The following SNX32 variants were observed in gnomAD, a reference collection of about 807,000 sequenced individuals.
SNX32 encodes sorting nexin-32.
SNX32 carries 58 observed loss-of-function variants against 57.0 expected under a neutral mutation model. The ratio of observed to expected loss-of-function variants is 1.02; its 90% CI spans 0.82 to 1.27. The LOEUF (loss-of-function observed/expected upper bound fraction) is 1.27, where lower values mean the gene tolerates loss of function less well. Ranked by LOEUF, SNX32 falls within the 50% of genes most tolerant of loss-of-function variation. SNX32 has a pLI of 0.00. For synonymous variants in SNX32, 262 were observed against 220.4 expected, an observed-to-expected ratio of 1.19 and a Z score of -1.67; for missense variants, 589 against 541.2, an observed-to-expected ratio of 1.09 and a Z score of -0.88.
In SNX32 at chr11:65,853,345, A is replaced by C. The variant is rs763605890; in HGVS notation, c.*10A>C. 4 of 1,613,896 alleles carry C rather than the reference A, an allele frequency of 2.5e-6. No individual in the cohort carries two copies. The highest frequency in any genetic ancestry group is 3.4e-6 in the Non-Finnish European group (4 of 1,179,912). On this transcript the variant is annotated 3_prime_UTR_variant, in exon 13 of 13. Transcript: ENST00000308342. ...AAAGGGGGAGCCTTAGAGTAGCCAGAGCTCAGCCAGACCCTAATCTGGGAT... is the reference window on the plus strand; with the variant it reads ...AAAGGGGGAGCCTTAGAGTAGCCAGCGCTCAGCCAGACCCTAATCTGGGAT...
intron 1 of SNX32, among the ~76,000 whole-genome samples, chr11:65,839,891 G>A (rs995856092): frequency 6.6e-6 from 1 of 152,038 alleles, no homozygotes; most frequent in Non-Finnish European, 1.5e-5. Context: ...GGGCGCGGTG[G>A]CTCACGCCTG....
chr11:65,848,379 C>T (rs1859059308), intron 1 of SNX32, among the ~76,000 whole-genome samples: 1 of 150,810 alleles, frequency 6.6e-6, no homozygotes, highest in African/African-American at 2.4e-5. Flanking sequence ...TTGAGACCAG[C>T]CTGGGCAACA....
At chr11:65,846,231 A>C (rs1858989579) in intron 1 of SNX32, among the ~76,000 whole-genome samples, 1 of 152,084 alleles carries the variant, frequency 6.6e-6, no homozygotes, top group African/African-American at 2.4e-5. Context: ...AGATCATGTC[A>C]CTGCACTCCA....
chr11:65,839,247 T>TTTTTTTTTTTTTTTTTG (rs71036248), intron 1 of SNX32, among the ~76,000 whole-genome samples: 1 of 88,072 alleles, frequency 1.1e-5, no homozygotes, highest in East Asian at 3.6e-4. Context: ...TTTTTTTTTT[T>TTTTTTTTTTTTTTTTTG]GAGACGGAGT....
chr11:65,850,097 G>C, intron 3 of SNX32, 53 bp from the exon 4 acceptor site: 2 of 1,614,236 alleles, frequency 1.2e-6, no homozygotes, highest in Non-Finnish European at 1.7e-6. Flanking sequence ...CAAAGGCTGT[G>C]ATGGCCGTCT....
intron 1 of SNX32, among the ~76,000 whole-genome samples, chr11:65,838,166 G>A (rs1428390974): frequency 6.7e-6 from 1 of 149,502 alleles, no homozygotes; most frequent in Non-Finnish European, 1.5e-5. Context: ...AAAAAAGAAA[G>A]AAAGAAGGAA....
intron 1 of SNX32, among the ~76,000 whole-genome samples, chr11:65,839,779 G>C (rs2134689736): frequency 6.6e-6 from 1 of 150,476 alleles, no homozygotes; most frequent in Non-Finnish European, 1.5e-5. Flanking sequence ...ATATATAAAA[G>C]GATAATACTT....
intron 1 of SNX32, among the ~76,000 whole-genome samples, chr11:65,840,281 C>T (rs1858806164): frequency 6.6e-6 from 1 of 152,072 alleles, no homozygotes; most frequent in South Asian, 2.1e-4. Flanking sequence ...CTCCATTAAG[C>T]TTCATTAAGA....
At chr11:65,834,720 G>A (rs1565243374) in intron 1 of SNX32, among the ~76,000 whole-genome samples, 1 of 150,306 alleles carries the variant, frequency 6.7e-6, no homozygotes, top group Non-Finnish European at 1.5e-5. Context: ...GTGTCTCTTT[G>A]TGTCTGAGTG....
At chr11:65,841,652 T>G (rs1416012410) in intron 1 of SNX32, among the ~76,000 whole-genome samples, 1 of 151,988 alleles carries the variant, frequency 6.6e-6, no homozygotes, top group Non-Finnish European at 1.5e-5. Context: ...GAGAATCGCT[T>G]GAACCCAGGA....
chr11:65,850,627 G>A (rs1301490741), intron 5 of SNX32, 73 bp downstream of exon 5: 2 of 1,559,376 alleles, frequency 1.3e-6, no homozygotes, highest in African/African-American at 1.4e-5. Context: ...ACCCAGGGGT[G>A]GCAGGGCTGG....
intron 1 of SNX32, among the ~76,000 whole-genome samples, chr11:65,839,225 A>ATTTTTTTTTT (rs1168882508): frequency 0.017 from 464 of 27,602 alleles, 100 homozygotes; most frequent in Non-Finnish European, 0.021. Flanking sequence ...ATTTTTTTGT[A>ATTTTTTTTTT]TTTTTTTTTT....
chr11:65,843,306 T>C (rs1858901768), intron 1 of SNX32, among the ~76,000 whole-genome samples: 1 of 150,254 alleles, frequency 6.7e-6, no homozygotes, highest in African/African-American at 2.5e-5. Context: ...GGGTGGCTCA[T>C]GCCTGTAATC....
chr11:65,852,831 C>T, intron 11 of SNX32, 42 bp downstream of exon 11: 3 of 1,613,372 alleles, frequency 1.9e-6, no homozygotes, highest in Non-Finnish European at 2.5e-6. Flanking sequence ...GCCACATGCC[C>T]TGCCCTGCCC....
chr11:65,842,480 GTC>G (rs1468130238), intron 1 of SNX32, among the ~76,000 whole-genome samples: 1 of 152,030 alleles, frequency 6.6e-6, no homozygotes, highest in African/African-American at 2.4e-5. Context: ...GTGAAACACT[GTC>G]TCTACTAAAA....
At chr11:65,839,634 G>A (rs974453807) in intron 1 of SNX32, among the ~76,000 whole-genome samples, 2 of 69,940 alleles carry the variant, frequency 2.9e-5, no homozygotes, top group African/African-American at 9.6e-5. Context: ...ATGAGCCACC[G>A]CACACCGGCT....
chr11:65,852,580 G>A (rs1338327801), intron 10 of SNX32, 29 bp downstream of exon 10: 7 of 1,613,962 alleles, frequency 4.3e-6, no homozygotes, highest in East Asian at 2.2e-5. Flanking sequence ...GCAGCGCTCA[G>A]GCCCGGATGC....
At chr11:65,841,232 C>CT (rs768218175) in intron 1 of SNX32, among the ~76,000 whole-genome samples, 232 of 134,786 alleles carry the variant, frequency 1.7e-3, no homozygotes, top group Admixed American at 4.6e-3. Context: ...CTCGCCTGGA[C>CT]TTTTTTTTTT....
At chr11:65,846,914 C>T (rs974995015) in intron 1 of SNX32, among the ~76,000 whole-genome samples, 15 of 150,928 alleles carry the variant, frequency 9.9e-5, no homozygotes, top group South Asian at 2.1e-4. Flanking sequence ...ACCCGGGAGG[C>T]GGAGGTTGTG....
Sources: allele counts gnomAD v4.1 joint callset (sites outside exome capture counted in the v4.1 genomes callset), GRCh38; gene constraint gnomAD v4.1.1; transcripts MANE v1.5; gene names NCBI Gene and HGNC (gene_info 2026-07-23, HGNC 2026-07-21).